Variants in GALNTL6 observed in about 807,000 individuals in gnomAD.
GALNTL6 encodes the protein polypeptide N-acetylgalactosaminyltransferase like 6.
In GALNTL6, 46 loss-of-function variants were observed where a neutral mutation model predicts 73.7. The ratio of observed to expected loss-of-function variants is 0.62; its 90% CI spans 0.49 to 0.80. GALNTL6 has a LOEUF of 0.80. Ranked by LOEUF, GALNTL6 falls within the 30% of genes least tolerant of loss-of-function variation. The probability of loss-of-function intolerance (pLI) is 0.00; values close to 1 mark genes in which losing one functional copy is unlikely to be tolerated. For synonymous variants in GALNTL6, 259 were observed against 263.7 expected, an observed-to-expected ratio of 0.98 and a Z score of 0.17; for missense variants, 604 against 755.0, an observed-to-expected ratio of 0.80 and a Z score of 2.34.
chr4:172,528,575 GACCTTGTGATCCGCCC>G, intron 5 of GALNTL6, among the ~76,000 whole-genome samples: 1 of 151,148 alleles, frequency 6.6e-6, no homozygotes, highest in Non-Finnish European at 1.5e-5. Flanking sequence ...TCGATCTCCT[GACCTTGTGATCCGCCC>G]ACCTTGGCAT....
intron 8 of GALNTL6, among the ~76,000 whole-genome samples, chr4:172,930,752 G>A (rs186321867): frequency 5.3e-3 from 805 of 152,220 alleles, no homozygotes; most frequent in Non-Finnish European, 8.4e-3. Flanking sequence ...TGCAAACATA[G>A]CTCACTTCAG....
In GALNTL6 at chr4:171,813,887, G is replaced by C. The variant is rs1472147082; in HGVS notation, c.-273G>C. ...ACAGCGCGCGAGGGTCCGGCACTTC[G>C]TGGACCTCCATCCGAACCGGAGTTC... On this transcript the variant is annotated 5_prime_UTR_variant, in exon 1 of 13. Coordinates refer to ENST00000506823, the MANE Select transcript of GALNTL6 (RefSeq NM_001034845.3). The surrounding 1 kb of genome is among the most constrained non-coding windows in gnomAD (Gnocchi z 5.2). The C allele has an allele frequency of 6.6e-6, 1 of 152,018 alleles. No homozygotes were observed. Among genetic ancestry groups the C allele is most frequent in the African/African-American group, 2.4e-5 (1 of 41,362 alleles). The allele number at this position is 152,018 out of a possible 1,614,324, so 9.4% of individuals were successfully genotyped here.
chr4:172,873,418 C>A (rs1745042402), intron 7 of GALNTL6, among the ~76,000 whole-genome samples: 1 of 152,172 alleles, frequency 6.6e-6, no homozygotes, highest in Admixed American at 6.5e-5. Context: ...TAAAGCACCT[C>A]AGAAGTCACA....
intron 5 of GALNTL6, among the ~76,000 whole-genome samples, chr4:172,698,320 T>A (rs1320816648): frequency 6.6e-6 from 1 of 152,154 alleles, no homozygotes; most frequent in African/African-American, 2.4e-5. Context: ...AGCTAGAGAC[T>A]TACTGCTTAC....
intron 5 of GALNTL6, among the ~76,000 whole-genome samples, chr4:172,494,360 T>C (rs1036510899): frequency 6.6e-6 from 1 of 152,202 alleles, no homozygotes; most frequent in African/African-American, 2.4e-5. Context: ...TCCAAATTTC[T>C]TTCTCATACT....
chr4:172,465,273 C>A (rs1732767322), intron 5 of GALNTL6, among the ~76,000 whole-genome samples: 1 of 152,036 alleles, frequency 6.6e-6, no homozygotes, highest in South Asian at 2.1e-4. Context: ...GTCAGGAGAT[C>A]CAGACCATCC....
chr4:172,932,404 G>A (rs992775557), intron 9 of GALNTL6, among the ~76,000 whole-genome samples: 1 of 152,174 alleles, frequency 6.6e-6, no homozygotes, highest in Non-Finnish European at 1.5e-5. Context: ...TTCTTTTACA[G>A]TGAATCTTTG....
At chr4:172,125,630 T>C (rs1205896540) in intron 2 of GALNTL6, among the ~76,000 whole-genome samples, 1 of 152,196 alleles carries the variant, frequency 6.6e-6, no homozygotes, top group Admixed American at 6.5e-5. Flanking sequence ...AGACATTCCA[T>C]GACATGAGCA....
At chr4:172,997,638 G>C (rs1398837839) in intron 10 of GALNTL6, among the ~76,000 whole-genome samples, 1 of 152,156 alleles carries the variant, frequency 6.6e-6, no homozygotes, top group East Asian at 1.9e-4. Flanking sequence ...ACTGGGAAGG[G>C]TGAGTGGGGG....
At chr4:173,029,941 C>T (rs1296626769) in intron 12 of GALNTL6, among the ~76,000 whole-genome samples, 1 of 152,168 alleles carries the variant, frequency 6.6e-6, no homozygotes, top group Non-Finnish European at 1.5e-5. Flanking sequence ...GCACTGAGCC[C>T]TCTATCATAC....
chr4:171,982,675 T>C (rs920507781), intron 2 of GALNTL6, among the ~76,000 whole-genome samples: 1 of 152,208 alleles, frequency 6.6e-6, no homozygotes, highest in Non-Finnish European at 1.5e-5. Flanking sequence ...AACCCCTTGA[T>C]AGTAAATCAA....
chr4:172,732,468 C>A (rs930350356), intron 5 of GALNTL6, among the ~76,000 whole-genome samples: 1 of 152,064 alleles, frequency 6.6e-6, no homozygotes, highest in Admixed American at 6.6e-5. Context: ...TGAGTCATTT[C>A]TTTATCCATT....
intron 2 of GALNTL6, among the ~76,000 whole-genome samples, chr4:172,140,664 T>C (rs1733777185): frequency 6.6e-6 from 1 of 152,154 alleles, no homozygotes; most frequent in Non-Finnish European, 1.5e-5. Flanking sequence ...ACTGTTATGT[T>C]AGTCTCACTA....
At chr4:171,826,385 AT>A (rs1260417866) in intron 2 of GALNTL6, among the ~76,000 whole-genome samples, 1 of 152,176 alleles carries the variant, frequency 6.6e-6, no homozygotes, top group Non-Finnish European at 1.5e-5. Flanking sequence ...TGGAACCTCT[AT>A]CCAGACTATG....
At chr4:172,129,708 CAG>C (rs1560934692) in intron 2 of GALNTL6, among the ~76,000 whole-genome samples, 1 of 152,128 alleles carries the variant, frequency 6.6e-6, no homozygotes, top group East Asian at 1.9e-4. Flanking sequence ...ACATGCCTCA[CAG>C]AGAGAATGTA....
At chr4:172,277,507 T>C (rs1440861858) in intron 3 of GALNTL6, among the ~76,000 whole-genome samples, 1 of 152,148 alleles carries the variant, frequency 6.6e-6, no homozygotes, top group Non-Finnish European at 1.5e-5. Context: ...TGGAATAATC[T>C]AGAGTCAATA....
intron 5 of GALNTL6, among the ~76,000 whole-genome samples, chr4:172,466,683 C>T (rs753117115): frequency 6.6e-6 from 1 of 152,194 alleles, no homozygotes; most frequent in Non-Finnish European, 1.5e-5. Flanking sequence ...ACTTCTTTCA[C>T]CTAACAGCAG....
At chr4:172,221,068 T>C (rs1579270698) in intron 2 of GALNTL6, among the ~76,000 whole-genome samples, 1 of 151,988 alleles carries the variant, frequency 6.6e-6, no homozygotes, top group Middle Eastern at 3.4e-3. Context: ...AAGCTGTCTA[T>C]TTTGGTAGTA....
At chr4:172,745,893 A>G (rs1314278526) in intron 5 of GALNTL6, among the ~76,000 whole-genome samples, 2 of 152,090 alleles carry the variant, frequency 1.3e-5, no homozygotes, top group African/African-American at 2.4e-5. Flanking sequence ...TCCACAGTCA[A>G]TGTGAGCTAT....
Sources: allele counts gnomAD v4.1 joint callset (sites outside exome capture counted in the v4.1 genomes callset), GRCh38; gene constraint gnomAD v4.1.1; non-coding constraint Gnocchi (gnomAD v3.1); transcripts MANE v1.5; gene names NCBI Gene and HGNC (gene_info 2026-07-23, HGNC 2026-07-21).